The following MAPK8IP3 variants were observed in gnomAD, a reference collection of about 807,000 sequenced individuals.
MAPK8IP3 encodes mitogen-activated protein kinase 8 interacting protein 3, also known as C-Jun-amino-terminal kinase-interacting protein 3.
In MAPK8IP3, 49 loss-of-function variants were observed where a neutral mutation model predicts 157.8. The ratio of observed to expected loss-of-function variants is 0.31; its 90% confidence interval spans 0.25 to 0.39. The LOEUF (loss-of-function observed/expected upper bound fraction) is 0.39. Among genes scored for constraint, MAPK8IP3 ranks in the 10% least tolerant of loss-of-function variants. The pLI is 1.00. For missense variants in MAPK8IP3, 1,478 were observed against 1,889.4 expected (o/e 0.78, Z 4.04); for synonymous variants, 897 against 777.7 (o/e 1.15, Z -2.55).
chr16:1,759,246 G>C (rs1322639924), intron 10 of MAPK8IP3, among the ~76,000 whole-genome samples: 1 of 119,444 alleles, frequency 8.4e-6, no homozygotes, highest in Admixed American at 7.3e-5. Flanking sequence ...ACAAGCGCCG[G>C]GCAGACCCTG....
At chr16:1,762,276 T>A in intron 13 of MAPK8IP3, 75 bp from the exon 14 acceptor site, 1 of 1,488,904 alleles carries the variant, frequency 6.7e-7, no homozygotes. Flanking sequence ...CCTATACGTG[T>A]AGGCACCCCA....
At chr16:1,734,231 T>C (rs9923942) in intron 4 of MAPK8IP3, among the ~76,000 whole-genome samples, 152,379 of 152,400 alleles carry the variant, frequency 1, 76,179 homozygotes, top group Middle Eastern at 1. Flanking sequence ...CTGGCGGCCC[T>C]GTCTCCCTGA....
At chr16:1,729,462 A>G (rs751353780) in intron 3 of MAPK8IP3, 25 bp from the exon 4 acceptor site, 2 of 1,599,428 alleles carry the variant, frequency 1.3e-6, no homozygotes, top group Non-Finnish European at 1.7e-6. Context: ...CGGCAGCGCT[A>G]ATGCAGGCGT....
At position 1,768,381 on chromosome 16, in the gene MAPK8IP3, G is replaced by A; in HGVS notation, c.3742+3G>A. On this transcript the variant is annotated splice_donor_region_variant and intron_variant, in intron 30 of 31. Transcript: ENST00000610761. ...GAAGTTCTTTGTCTCGGTGCCAGGT[G>A]AGGCTGGGCCCCTCCTGCCATCCAC... 2.5e-6 allele frequency: 4 copies of A among 1,599,486 alleles called. No individual in the cohort carries two copies. Among genetic ancestry groups the A allele is most frequent in the Admixed American group, 1.7e-5 (1 of 59,910 alleles).
At chr16:1,767,062 T>C in intron 25 of MAPK8IP3, 87 bp from the exon 26 acceptor site, 1 of 1,581,392 alleles carries the variant, frequency 6.3e-7, no homozygotes, top group Non-Finnish European at 8.6e-7. Flanking sequence ...GGCCTCTCCT[T>C]AGTCTGGCAG....
chr16:1,768,672 C>A, intron 31 of MAPK8IP3, 31 bp from the exon 32 acceptor site: 2 of 1,611,138 alleles, frequency 1.2e-6, no homozygotes, highest in Non-Finnish European at 1.7e-6. Context: ...GCGGGGGGAG[C>A]CTGGCCGTCA....
intron 23 of MAPK8IP3, 22 bp from the exon 24 acceptor site, chr16:1,766,701 C>T (rs2042282730): frequency 6.2e-7 from 1 of 1,612,518 alleles, no homozygotes; most frequent in Non-Finnish European, 8.5e-7. Context: ...AGCCCCTCGC[C>T]CATCGCCGCT....
intron 1 of MAPK8IP3, chr16:1,714,075 G>A (rs984393559): frequency 2.0e-5 from 3 of 152,214 alleles, no homozygotes; most frequent in Non-Finnish European, 4.4e-5. Context: ...TGCGTACGTG[G>A]TTTCCTCTGA....
intron 10 of MAPK8IP3, among the ~76,000 whole-genome samples, chr16:1,759,477 G>A (rs978603902): frequency 3.3e-5 from 5 of 152,136 alleles, no homozygotes; most frequent in Admixed American, 6.5e-5. Context: ...TTGGGGCCTC[G>A]TGGTAGAGGA....
intron 8 of MAPK8IP3, among the ~76,000 whole-genome samples, chr16:1,756,822 A>G (rs2041628987): frequency 1.3e-5 from 2 of 152,140 alleles, no homozygotes; most frequent in Non-Finnish European, 2.9e-5. Context: ...ACCCCGTCTC[A>G]AAAAATAAAT....
chr16:1,729,596 G>A lies in MAPK8IP3; in HGVS notation c.602+18G>A. 1 of 1,576,848 alleles carries A rather than the reference G, an allele frequency of 6.3e-7. No individual in the cohort carries two copies. The highest frequency in any genetic ancestry group is 8.6e-7 in the Non-Finnish European group (1 of 1,158,562). ...GGGCGGAGGTACGCGGGGCGCGGCG[G>A]GGTGGAGGTACGCGGGGCGCGGCGG... On this transcript the variant is annotated intron_variant, in intron 4 of 31. Coordinates refer to ENST00000610761, the MANE Select transcript of MAPK8IP3 (RefSeq NM_001318852.2).
At chr16:1,746,998 C>G in intron 5 of MAPK8IP3, 31 bp from the exon 6 acceptor site, 1 of 1,607,208 alleles carries the variant, frequency 6.2e-7, no homozygotes. Flanking sequence ...TGCAGTGACT[C>G]GCTCTCCCTC....
chr16:1,706,378 G>T lies in MAPK8IP3; in HGVS notation c.39G>T (p.Val13=). ...EIQMDEGGGV[V]VYQDDYCSGS... ...AGATGGACGAGGGCGGCGGCGTGGT[G>T]GTGTACCAGGACGACTACTGCTCCG... Residue 13 remains valine (V), a synonymous_variant, in exon 1 of 32, where the codon GTG becomes GTT. Coordinates refer to ENST00000610761, the MANE Select transcript of MAPK8IP3 (RefSeq NM_001318852.2). This position sits in a 1 kb window ranked among gnomAD's most constrained non-coding sequence, Gnocchi z 5.1. 2.5e-6 allele frequency: 4 copies of T among 1,610,334 alleles called. No individual in the cohort carries two copies. The highest frequency in any genetic ancestry group is 3.4e-6 in the Non-Finnish European group (4 of 1,178,850).
chr16:1,763,680 G>T lies in MAPK8IP3; in HGVS notation c.1922G>T (p.Arg641Leu). The change falls in exon 17 of 32, where the codon CGA becomes CTA. Residue 641 changes from arginine (R) to leucine (L), a missense_variant. Arg to Leu is a moderately radical substitution (Grantham distance 102). Coordinates refer to ENST00000610761, the MANE Select transcript of MAPK8IP3 (RefSeq NM_001318852.2). ...AGCGACTGCACGTCCTCCGCCCGTC[G>T]AGAGCAGAAGCGCGAGCAGTACCGC... The part of the protein sequence containing the change: ...PDDDCTSSAR[R>L]EQKREQYRQV... The T allele has an allele frequency of 6.3e-7, 1 of 1,587,752 alleles. No individual in the cohort carries two copies. Among genetic ancestry groups the T allele is most frequent in the Non-Finnish European group, 8.6e-7 (1 of 1,164,916 alleles).
rs1567128612 is a variant in MAPK8IP3, at chr16:1,706,670, CG to C, written c.318+16del. ...GCAGGCGGAGGAGGTGCGTGGGCCG[CG>C]GGACCCGCCCGCATCCCCGTCCCGG... On this transcript the variant is annotated intron_variant, in intron 1 of 31. Transcript: ENST00000610761. The surrounding 1 kb of genome is among the most constrained non-coding windows in gnomAD (Gnocchi z 5.1). The C allele has an allele frequency of 1.3e-6, 2 of 1,523,894 alleles. No individual in the cohort carries two copies. Among genetic ancestry groups the C allele is most frequent in the South Asian group, 2.4e-5 (2 of 82,848 alleles). 94.4% of individuals were successfully genotyped at this position (1,523,894 alleles called of 1,614,324 possible). A position where few individuals can be genotyped will look rare whatever the true frequency, so the allele number is the denominator to read the frequency against.
intron 6 of MAPK8IP3, among the ~76,000 whole-genome samples, chr16:1,747,773 C>T (rs2041055516): frequency 6.6e-6 from 1 of 152,108 alleles, no homozygotes; most frequent in African/African-American, 2.4e-5. Context: ...CCTGCATCGC[C>T]CCACGGCACA....
intron 13 of MAPK8IP3, among the ~76,000 whole-genome samples, 160 bp from the exon 14 acceptor site, chr16:1,762,191 C>A (rs1388590355): frequency 6.6e-6 from 1 of 152,216 alleles, no homozygotes; most frequent in Non-Finnish European, 1.5e-5. Context: ...TTGTATGGTT[C>A]CCCTCCCCGC....
chr16:1,764,825 C>T lies in MAPK8IP3; in HGVS notation c.2281-188C>T, dbSNP rs536682577. 1.2e-3 allele frequency among the ~76,000 whole-genome samples: 181 copies of T among 152,264 alleles called. 3 individuals carry two copies. The highest frequency in any genetic ancestry group is 4.6e-4 in the Admixed American group (7 of 15,306). On this transcript the variant is annotated intron_variant, in intron 19 of 31. Transcript: ENST00000610761. ...GGGGCCTCTTCTGTGGAGGCGAAAC[C>T]GTGTCTGTGAGTGCTTTAGAGTGCA...
chr16:1,737,647 ACT>A (rs2040101282), intron 4 of MAPK8IP3, among the ~76,000 whole-genome samples: 2 of 58,340 alleles, frequency 3.4e-5, no homozygotes, highest in Admixed American at 2.2e-4. Context: ...CATCCGTGTG[ACT>A]GTCCGTGTGA....
Sources: allele counts gnomAD v4.1 joint callset (sites outside exome capture counted in the v4.1 genomes callset), GRCh38; gene constraint gnomAD v4.1.1; non-coding constraint Gnocchi (gnomAD v3.1); transcripts MANE v1.5; gene names NCBI Gene and HGNC (gene_info 2026-07-23, HGNC 2026-07-21).